NAV2: variants seen among roughly 807,000 people sequenced by gnomAD.
The protein encoded by NAV2 is neuron navigator 2.
Under a neutral mutation model 223.2 loss-of-function variants are expected in NAV2, and 54 were observed. That is an observed-to-expected ratio of 0.24 (90% CI 0.19 to 0.30). NAV2 has a LOEUF of 0.30. Among genes scored for constraint, NAV2 ranks in the 10% least tolerant of loss-of-function variants. The pLI is 1.00. For synonymous variants in NAV2, 1,279 were observed against 1,239.3 expected (o/e 1.03, Z -0.67); for missense variants, 2,806 against 3,147.5 (o/e 0.89, Z 2.60).
chr11:19,940,187 A>C (rs1045990155), intron 8 of NAV2, among the ~76,000 whole-genome samples: 1 of 152,158 alleles, frequency 6.6e-6, no homozygotes, highest in Non-Finnish European at 1.5e-5. Context: ...ACTGATTTAA[A>C]ATATGTTCTT....
intron 37 of NAV2, 116 bp from the exon 38 acceptor site, chr11:20,118,017 C>A: frequency 1.7e-6 from 2 of 1,170,126 alleles, no homozygotes; most frequent in Non-Finnish European, 2.4e-6. Flanking sequence ...TCCACTGCCT[C>A]CACTGTGGGC....
intron 1 of NAV2, among the ~76,000 whole-genome samples, chr11:19,657,786 G>A (rs2048169311): frequency 6.6e-6 from 1 of 152,158 alleles, no homozygotes; most frequent in African/African-American, 2.4e-5. Flanking sequence ...GCTCAGTCTT[G>A]AGAGGATGAG....
chr11:19,617,585 G>A (rs767884265), intron 1 of NAV2, among the ~76,000 whole-genome samples: 4 of 152,212 alleles, frequency 2.6e-5, no homozygotes, highest in Non-Finnish European at 4.4e-5. Context: ...GGCAGTAAGT[G>A]CTATGAAGAA....
At chr11:19,869,910 G>A (rs2585789) in intron 4 of NAV2, among the ~76,000 whole-genome samples, 27,042 of 152,194 alleles carry the variant, frequency 0.18, 3,057 homozygotes, top group South Asian at 0.4. Flanking sequence ...TCTGGGACCT[G>A]TTCCTTGCCT....
chr11:20,086,628 T>C (rs1473420185), intron 26 of NAV2, among the ~76,000 whole-genome samples: 4 of 152,120 alleles, frequency 2.6e-5, no homozygotes, highest in South Asian at 2.1e-4. Context: ...AAGTACTGTA[T>C]TGGTTTTGCA....
chr11:20,011,165 C>T (rs865917758), intron 11 of NAV2, among the ~76,000 whole-genome samples: 1 of 152,154 alleles, frequency 6.6e-6, no homozygotes. Flanking sequence ...AATTACCTGG[C>T]CTGACCCATA....
chr11:19,625,367 G>C (rs1034054168), intron 1 of NAV2, among the ~76,000 whole-genome samples: 3 of 152,144 alleles, frequency 2.0e-5, no homozygotes, highest in African/African-American at 7.2e-5. Context: ...CATCCATGTT[G>C]CTATGAATGA....
chr11:19,388,699 G>A (rs915659936), intron 1 of NAV2, among the ~76,000 whole-genome samples: 6 of 152,094 alleles, frequency 3.9e-5, no homozygotes, highest in Admixed American at 6.5e-5. Context: ...GTGTAGGTAC[G>A]CTGGGCAAGA....
intron 5 of NAV2, among the ~76,000 whole-genome samples, chr11:19,890,084 T>G (rs1046940322): frequency 3.3e-5 from 5 of 152,232 alleles, no homozygotes; most frequent in Non-Finnish European, 5.9e-5. Flanking sequence ...ATACGGTGGC[T>G]GGACATTAAG....
chr11:19,397,166 C>T (rs1156691474), intron 1 of NAV2, among the ~76,000 whole-genome samples: 1 of 152,012 alleles, frequency 6.6e-6, no homozygotes, highest in Non-Finnish European at 1.5e-5. Context: ...CTTAGAGGTC[C>T]CCATAAAAAG....
chr11:19,947,658 TCTTGACTGGG>T (rs1290128692), intron 9 of NAV2, among the ~76,000 whole-genome samples: 1 of 152,156 alleles, frequency 6.6e-6, no homozygotes, highest in Non-Finnish European at 1.5e-5. Context: ...CACACGATAG[TCTTGACTGGG>T]CTGCAAGAAA....
intron 8 of NAV2, among the ~76,000 whole-genome samples, chr11:19,943,805 T>G (rs1447296856): frequency 6.6e-6 from 1 of 152,198 alleles, no homozygotes; most frequent in East Asian, 1.9e-4. Context: ...CTCAGTCTTC[T>G]CAGCTCTCCC....
intron 1 of NAV2, among the ~76,000 whole-genome samples, chr11:19,454,306 G>A (rs1851887960): frequency 6.6e-6 from 1 of 152,160 alleles, no homozygotes; most frequent in South Asian, 2.1e-4. Context: ...TCATAGGGTT[G>A]GGGGCCACAG....
chr11:19,963,335 G>T (rs1364931791), intron 10 of NAV2, among the ~76,000 whole-genome samples: 1 of 152,188 alleles, frequency 6.6e-6, no homozygotes, highest in African/African-American at 2.4e-5. Context: ...GACAGTAACT[G>T]GTGGAAGCAA....
intron 1 of NAV2, among the ~76,000 whole-genome samples, chr11:19,368,994 G>T (rs1197929056): frequency 1.3e-5 from 2 of 152,140 alleles, no homozygotes; most frequent in Non-Finnish European, 2.9e-5. Flanking sequence ...GGTCTTCTTT[G>T]AGCATGGAAT....
At chr11:19,588,499 T>C (rs2045961963) in intron 1 of NAV2, among the ~76,000 whole-genome samples, 1 of 152,084 alleles carries the variant, frequency 6.6e-6, no homozygotes, top group South Asian at 2.1e-4. Context: ...ATGTCTGCCA[T>C]AGGCAGAGAA....
chr11:19,928,105 C>T (rs2044954129), intron 6 of NAV2, among the ~76,000 whole-genome samples: 1 of 152,192 alleles, frequency 6.6e-6, no homozygotes, highest in East Asian at 1.9e-4. Flanking sequence ...CAAAAGAACA[C>T]ATTTAATATG....
intron 1 of NAV2, among the ~76,000 whole-genome samples, chr11:19,786,221 C>T (rs1056266865): frequency 6.6e-5 from 10 of 152,328 alleles, no homozygotes; most frequent in Admixed American, 5.2e-4. Flanking sequence ...CAGGATGTTT[C>T]AGCTGCTAAG....
intron 36 of NAV2, among the ~76,000 whole-genome samples, chr11:20,110,999 G>A (rs2062587673): frequency 6.6e-6 from 1 of 152,170 alleles, no homozygotes; most frequent in African/African-American, 2.4e-5. Context: ...ATCAGGGGAT[G>A]AGGATGGCTT....
Sources: allele counts gnomAD v4.1 joint callset (sites outside exome capture counted in the v4.1 genomes callset), GRCh38; gene constraint gnomAD v4.1.1; transcripts MANE v1.5; gene names NCBI Gene and HGNC (gene_info 2026-07-23, HGNC 2026-07-21).